SRR: variants seen among roughly 807,000 people sequenced by gnomAD.
The protein encoded by SRR is D-serine ammonia-lyase.
In SRR, 19 loss-of-function variants were observed where a neutral mutation model predicts 32.7. The ratio of observed to expected loss-of-function variants is 0.58; its 90% CI spans 0.40 to 0.85. SRR has a LOEUF of 0.85. Among genes scored for constraint, SRR ranks in the 40% least tolerant of loss-of-function variants. The probability of loss-of-function intolerance (pLI) is 0.00; values close to 1 mark genes in which losing one functional copy is unlikely to be tolerated. For synonymous variants in SRR, 142 were observed against 140.9 expected (o/e 1.01, Z -0.06); for missense variants, 373 against 404.7 (o/e 0.92, Z 0.67).
At chr17:2,314,176 G>T (rs947229333) in intron 1 of SRR, among the ~76,000 whole-genome samples, 1 of 152,184 alleles carries the variant, frequency 6.6e-6, no homozygotes, top group Non-Finnish European at 1.5e-5. Context: ...GGAGCCGGGC[G>T]CAGTGACTCA....
chr17:2,323,792 T>C lies in SRR; in HGVS notation c.942T>C (p.Gly314=). ...AGAACATTTGTATTGTGCTCAGTGG[T>C]GGAAATGTAGACTTAACCTCCTCCA... ...EVKNICIVLS[G]GNVDLTSSIT... is the part of the protein sequence containing the mutation. The change falls in exon 8 of 8, where the codon GGT becomes GGC. Residue 314 remains glycine, a synonymous_variant. Coordinates refer to ENST00000344595, the MANE Select transcript of SRR (RefSeq NM_021947.3). The C allele has an allele frequency of 6.2e-7, 1 of 1,614,184 alleles. No individual in the cohort carries two copies. Among genetic ancestry groups the C allele is most frequent in the Non-Finnish European group, 8.5e-7 (1 of 1,180,038 alleles).
At position 2,323,293 on chromosome 17, in the gene SRR, T is replaced by G; in HGVS notation, c.752T>G (p.Ile251Ser). The G allele has an allele frequency of 6.2e-7, 1 of 1,614,096 alleles. No homozygotes were observed. The highest frequency in any genetic ancestry group is 8.5e-7 in the Non-Finnish European group (1 of 1,179,962). The change falls in exon 7 of 8, where the codon ATT (isoleucine) becomes AGT (serine). Residue 251 changes from isoleucine to serine, a missense_variant. Coordinates refer to ENST00000344595, the MANE Select transcript of SRR (RefSeq NM_021947.3). Reference protein sequence around the residue: ...KSSIGLNTWPIIRDLVDDIFT... With the variant: ...KSSIGLNTWPSIRDLVDDIFT... Reference sequence around the variant, plus strand: ...AGCATTGGCTTGAACACCTGGCCTATTATCAGGGACCTTGTGGATGATATC... The same window carrying G: ...AGCATTGGCTTGAACACCTGGCCTAGTATCAGGGACCTTGTGGATGATATC...
Position 2,324,937 on chromosome 17 carries a change from C to T in SRR, c.*1064C>T. 1 of 1,295,820 alleles carries T rather than the reference C, an allele frequency of 7.7e-7. No individual in the cohort carries two copies. Among genetic ancestry groups the T allele is most frequent in the South Asian group, 1.5e-5 (1 of 65,038 alleles). 80.3% of individuals were successfully genotyped at this position (1,295,820 alleles called of 1,614,324 possible). The stretch of plus-strand genomic sequence containing the variant: ...GCAAGAGCCTGGTTTGTCATCCCTG[C>T]CCTAGCCCAATCTGAGGCTAAGATT... On this transcript the variant is annotated 3_prime_UTR_variant, in exon 8 of 8. Transcript: ENST00000344595.
chr17:2,317,206 GGAAAA>G (rs1417673454), intron 2 of SRR, among the ~76,000 whole-genome samples: 1 of 111,854 alleles, frequency 8.9e-6, no homozygotes, highest in Non-Finnish European at 1.7e-5. Context: ...CCATCTCGGG[GGAAAA>G]AAAAAAAAAA....
At chr17:2,310,590 T>C (rs1043570593) in intron 1 of SRR, among the ~76,000 whole-genome samples, 5 of 152,050 alleles carry the variant, frequency 3.3e-5, no homozygotes, top group African/African-American at 1.2e-4. Flanking sequence ...GTTGTTGTTT[T>C]TTTTTTGAGA....
chr17:2,322,966 G>A (rs2075545623), intron 6 of SRR, 170 bp from the exon 7 acceptor site: 2 of 615,850 alleles, frequency 3.2e-6, no homozygotes, highest in Admixed American at 5.9e-5. Context: ...CATTTCACCA[G>A]GTTGGCCAGG....
In SRR at chr17:2,324,412, T is replaced by C; in HGVS notation, c.*539T>C. 2.5e-6 allele frequency: 4 copies of C among 1,599,958 alleles called. 1 individual carries two copies. The highest frequency in any genetic ancestry group is 2.3e-5 in the South Asian group (2 of 88,858). Reference sequence around the variant, plus strand: ...CAGAACAAGTCGGTCAAATTAAAAGTAGAAAATTTTAAAGCAATGACTTCC... The same window carrying C: ...CAGAACAAGTCGGTCAAATTAAAAGCAGAAAATTTTAAAGCAATGACTTCC... On this transcript the variant is annotated 3_prime_UTR_variant, in exon 8 of 8. Coordinates refer to ENST00000344595, the MANE Select transcript of SRR (RefSeq NM_021947.3).
chr17:2,323,740 A>G lies in SRR; in HGVS notation c.890A>G (p.His297Arg), dbSNP rs748073301. ...GGAGTGGCTGCTGTGCTGTCTCAAC[A>G]TTTTCAAACTGTTTCCCCAGAAGTA... ...GVGVAAVLSQ[H>R]FQTVSPEVKN... The change falls in exon 8 of 8, where the codon CAT becomes CGT. Residue 297 changes from histidine (H) to arginine (R), a missense_variant. Physicochemically the swap from His to Arg is conservative, Grantham distance 29. Coordinates refer to ENST00000344595, the MANE Select transcript of SRR (RefSeq NM_021947.3). 6 of 1,614,016 alleles carry G rather than the reference A, an allele frequency of 3.7e-6. No individual in the cohort carries two copies. In the East Asian group the frequency reaches 1.1e-4, roughly 30 times the overall value.
At chr17:2,317,390 C>T (rs1251910114) in intron 2 of SRR, among the ~76,000 whole-genome samples, 2 of 151,070 alleles carry the variant, frequency 1.3e-5, no homozygotes, top group South Asian at 2.1e-4. Context: ...CGGGCGCCTG[C>T]AGACCCGGCT....
At chr17:2,307,736 G>A in intron 1 of SRR, 2 of 978,658 alleles carry the variant, frequency 2.0e-6, no homozygotes, top group Non-Finnish European at 3.2e-6. Context: ...ACAAAGCTTA[G>A]CATGAGAGGA....
chr17:2,304,471 G>C (rs1239370245), intron 1 of SRR, among the ~76,000 whole-genome samples: 1 of 150,124 alleles, frequency 6.7e-6, no homozygotes, highest in African/African-American at 2.5e-5. Flanking sequence ...TCGAACTCCT[G>C]ACCTCAGGTG....
intron 1 of SRR, among the ~76,000 whole-genome samples, chr17:2,309,172 A>G (rs1375251367): frequency 1.3e-5 from 2 of 152,084 alleles, no homozygotes; most frequent in Non-Finnish European, 2.9e-5. Flanking sequence ...TGTGTTGCCC[A>G]GGCTGGTCTC....
chr17:2,307,259 AC>A, intron 1 of SRR: 1 of 1,192,572 alleles, frequency 8.4e-7, no homozygotes, highest in Non-Finnish European at 1.2e-6. Flanking sequence ...ATTCAGAAAT[AC>A]CATACTGTGA....
rs1597256631 is a variant in SRR at position 2,306,683 on chromosome 17, C to T, written c.-5+2666C>T. ...AGTGAGCCGAGATCACGCCACTGCA[C>T]TCCAGCCTGGGTGACAGATAGAGAC... On this transcript the variant is annotated intron_variant, in intron 1 of 7. Coordinates refer to ENST00000344595, the MANE Select transcript of SRR (RefSeq NM_021947.3). 8 of 468,518 alleles carry T rather than the reference C, an allele frequency of 1.7e-5. No homozygotes were observed. In the East Asian group the frequency reaches 2.6e-4, roughly 15 times the overall value. The allele number at this position is 468,518 out of a possible 1,614,324, so 29.0% of individuals were successfully genotyped here.
At chr17:2,318,038 A>G in intron 3 of SRR, 42 bp downstream of exon 3, 1 of 1,525,868 alleles carries the variant, frequency 6.6e-7, no homozygotes. Flanking sequence ...TTCAGAAAGG[A>G]GTGGAAAAGT....
chr17:2,315,738 C>T lies in SRR; in HGVS notation c.168+10C>T, dbSNP rs553606083. On this transcript the variant is annotated intron_variant, in intron 2 of 7. Transcript: ENST00000344595. ...AACAGGATCTTTTAAGGTAACAATC[C>T]TTTTTCTCAGTGTATCATGTATGTT... 4 of 1,611,736 alleles carry T rather than the reference C, an allele frequency of 2.5e-6. No homozygotes were observed. Among genetic ancestry groups the T allele is most frequent in the East Asian group, 4.5e-5 (2 of 44,820 alleles).
intron 1 of SRR, among the ~76,000 whole-genome samples, chr17:2,312,541 G>T (rs2075440720): frequency 6.6e-6 from 1 of 152,026 alleles, no homozygotes; most frequent in African/African-American, 2.4e-5. Flanking sequence ...GTTGCAGTGA[G>T]CCAAGATCCC....
intron 1 of SRR, among the ~76,000 whole-genome samples, chr17:2,304,359 C>A: frequency 6.6e-6 from 1 of 151,500 alleles, no homozygotes; most frequent in Non-Finnish European, 1.5e-5. Context: ...TCAAGCGATT[C>A]TCCTGCCTCA....
chr17:2,324,255 G>T lies in SRR; in HGVS notation c.*382G>T. The T allele has an allele frequency of 6.5e-7, 1 of 1,544,456 alleles. No homozygotes were observed. The highest frequency in any genetic ancestry group is 8.7e-7 in the Non-Finnish European group (1 of 1,151,274). ...ATCTCACTTTTCAGCCAGGGTACTG[G>T]TTCTGGTACATATGGATCATAAGTC... On this transcript the variant is annotated 3_prime_UTR_variant, in exon 8 of 8. Coordinates refer to ENST00000344595, the MANE Select transcript of SRR (RefSeq NM_021947.3).
Sources: gnomAD v4.1 joint callset for allele counts (sites outside exome capture counted in the v4.1 genomes callset) on GRCh38, gnomAD v4.1.1 for gene constraint, MANE v1.5 for transcripts, NCBI Gene and HGNC (gene_info 2026-07-23, HGNC 2026-07-21) for gene names.